The following CDC73 variants were observed in gnomAD, a reference collection of about 807,000 sequenced individuals.
The protein encoded by CDC73 is cell division cycle 73, also known as parafibromin.
A neutral mutation model predicts 83.7 loss-of-function variants in CDC73; 21 were observed. The observed-to-expected ratio is 0.25, with a 90% CI of 0.18 to 0.36. The LOEUF (loss-of-function observed/expected upper bound fraction) is 0.36, where lower values mean the gene tolerates loss of function less well. CDC73 is among the 10% of genes least tolerant of loss of function. CDC73 has a pLI of 1.00. For missense variants in CDC73, 342 were observed against 653.3 expected (o/e 0.52, Z 5.19); for synonymous variants, 224 against 212.9 (o/e 1.05, Z -0.45).
chr1:193,139,559 G>A (rs890013481), intron 6 of CDC73, among the ~76,000 whole-genome samples: 2 of 151,960 alleles, frequency 1.3e-5, no homozygotes, highest in Admixed American at 6.6e-5. Flanking sequence ...ATTTCTCCTC[G>A]TTCTGCTTTA....
intron 13 of CDC73, among the ~76,000 whole-genome samples, chr1:193,230,361 C>T (rs1677639654): frequency 1.3e-5 from 2 of 151,066 alleles, no homozygotes; most frequent in South Asian, 4.2e-4. Flanking sequence ...GTTGGCCAGA[C>T]GTCTCGAACC....
chr1:193,155,358 A>C (rs150613677), intron 10 of CDC73, among the ~76,000 whole-genome samples: 23 of 152,236 alleles, frequency 1.5e-4, no homozygotes, highest in Middle Eastern at 3.2e-3. Flanking sequence ...GACTTAGGCC[A>C]TGAAATACGT....
At chr1:193,244,126 G>C (rs896017322) in intron 15 of CDC73, among the ~76,000 whole-genome samples, 6 of 152,150 alleles carry the variant, frequency 3.9e-5, no homozygotes, top group African/African-American at 1.4e-4. Context: ...TGATAATAAA[G>C]GGATTGCAGA....
intron 10 of CDC73, among the ~76,000 whole-genome samples, chr1:193,155,951 G>A (rs894452818): frequency 6.6e-6 from 1 of 152,110 alleles, no homozygotes; most frequent in African/African-American, 2.4e-5. Context: ...AAGGACTAGT[G>A]TTTCATAGAA....
intron 13 of CDC73, among the ~76,000 whole-genome samples, chr1:193,215,468 T>C (rs888744727): frequency 2.0e-5 from 3 of 152,234 alleles, no homozygotes; most frequent in African/African-American, 7.2e-5. Flanking sequence ...AGTAGTCTTA[T>C]TATTTGTACT....
intron 5 of CDC73, among the ~76,000 whole-genome samples, chr1:193,135,868 C>CTTCTT (rs1447225590): frequency 2.4e-5 from 3 of 127,170 alleles, no homozygotes; most frequent in Non-Finnish European, 5.1e-5. Flanking sequence ...CCTTTCTGTT[C>CTTCTT]TTTTTTTTTT....
chr1:193,140,520 T>C (rs1242026629), intron 6 of CDC73, among the ~76,000 whole-genome samples: 2 of 152,184 alleles, frequency 1.3e-5, no homozygotes, highest in East Asian at 1.9e-4. Flanking sequence ...GGCAGTGGCA[T>C]ATGCGAATTG....
rs1678085452 is a variant in CDC73 at position 193,253,769 on chromosome 1, A to C, written c.*3057A>C. On this transcript the variant is annotated 3_prime_UTR_variant, in exon 17 of 17. Transcript: ENST00000367435. ...ACAAATACAGTTTGCTTATGAAAGG[A>C]AAGTGGCATACTTTTAAATTGGTCT... 4.3e-6 allele frequency: 1 copy of C among 230,838 alleles called. No individual in the cohort carries two copies. Among genetic ancestry groups the C allele is most frequent in the South Asian group, 1.8e-4 (1 of 5,510 alleles). 14.3% of individuals were successfully genotyped at this position (230,838 alleles called of 1,614,324 possible). A position where few individuals can be genotyped will look rare whatever the true frequency, so the allele number is the denominator to read the frequency against.
At chr1:193,165,056 ATCTT>A (rs926943931) in intron 10 of CDC73, among the ~76,000 whole-genome samples, 9 of 152,098 alleles carry the variant, frequency 5.9e-5, no homozygotes, top group South Asian at 2.1e-4. Context: ...GGTTTTGGAA[ATCTT>A]TCTTTCTTTT....
chr1:193,124,246 C>G (rs1410135260), intron 1 of CDC73, among the ~76,000 whole-genome samples: 1 of 152,172 alleles, frequency 6.6e-6, no homozygotes, highest in East Asian at 1.9e-4. Flanking sequence ...ATATAAAACA[C>G]TAAACAATAC....
At chr1:193,141,746 C>T (rs1331143605) in intron 6 of CDC73, 104 bp from the exon 7 acceptor site, 3 of 741,308 alleles carry the variant, frequency 4.0e-6, no homozygotes, top group Non-Finnish European at 4.7e-6. Context: ...TTAATTATTG[C>T]CATGTAAGTG....
At chr1:193,203,728 G>A in intron 10 of CDC73, 67 bp from the exon 11 acceptor site, 1 of 1,236,686 alleles carries the variant, frequency 8.1e-7, no homozygotes. Context: ...GATTTCTTTG[G>A]AATAATTAAA....
chr1:193,234,171 TCTCTCACACACACACACA>T (rs1369140074), intron 14 of CDC73, among the ~76,000 whole-genome samples: 29 of 75,630 alleles, frequency 3.8e-4, no homozygotes, highest in South Asian at 3.6e-3. Context: ...TCTCTCTCTC[TCTCTCACACACACACACA>T]CACACACACA....
chr1:193,188,955 GTT>G (rs552692219), intron 10 of CDC73, among the ~76,000 whole-genome samples: 18 of 137,460 alleles, frequency 1.3e-4, no homozygotes, highest in Middle Eastern at 3.4e-3. Context: ...CTGTCTGTCT[GTT>G]TTTTTTTTTT....
At chr1:193,227,746 A>G (rs2102053291) in intron 13 of CDC73, among the ~76,000 whole-genome samples, 1 of 152,308 alleles carries the variant, frequency 6.6e-6, no homozygotes, top group South Asian at 2.1e-4. Context: ...TTTGAATTTC[A>G]GATGCATTTT....
At chr1:193,175,475 A>G (rs1676585045) in intron 10 of CDC73, among the ~76,000 whole-genome samples, 1 of 152,206 alleles carries the variant, frequency 6.6e-6, no homozygotes, top group Non-Finnish European at 1.5e-5. Flanking sequence ...ACATACAGAC[A>G]CAGTTGGCAC....
At chr1:193,160,764 TTTAAC>T (rs1676295243) in intron 10 of CDC73, among the ~76,000 whole-genome samples, 1 of 152,054 alleles carries the variant, frequency 6.6e-6, no homozygotes, top group Non-Finnish European at 1.5e-5. Context: ...TAATGTCCCT[TTTAAC>T]TTTATGACAG....
rs1413866589 is a variant in CDC73 at position 193,252,425 on chromosome 1, A to G, written c.*1713A>G. On this transcript the variant is annotated 3_prime_UTR_variant, in exon 17 of 17. Transcript: ENST00000367435. ...AAGATTACTTGTCAAGACTACTACA[A>G]GTCAGTATGAACTACCTTCCCATAA... is the stretch of plus-strand genomic sequence containing the variant. The G allele has an allele frequency of 4.3e-6, 1 of 230,026 alleles. No individual in the cohort carries two copies. The highest frequency in any genetic ancestry group is 8.6e-6 in the Non-Finnish European group (1 of 116,112). 14.2% of individuals were successfully genotyped at this position (230,026 alleles called of 1,614,324 possible).
chr1:193,175,208 T>C (rs1396057868), intron 10 of CDC73, among the ~76,000 whole-genome samples: 1 of 152,180 alleles, frequency 6.6e-6, no homozygotes, highest in African/African-American at 2.4e-5. Context: ...GTTTTGAAAG[T>C]AACATTATGG....
Sources: gnomAD v4.1 joint callset for allele counts (sites outside exome capture counted in the v4.1 genomes callset) on GRCh38, gnomAD v4.1.1 for gene constraint, MANE v1.5 for transcripts, NCBI Gene and HGNC (gene_info 2026-07-23, HGNC 2026-07-21) for gene names.